Variants in CAPN10 observed in about 807,000 individuals in gnomAD.
CAPN10 encodes calpain 10, also known as calpain-10.
CAPN10 carries 71 observed loss-of-function variants against 78.4 expected under a neutral mutation model. The observed-to-expected ratio is 0.91, with a 90% confidence interval of 0.75 to 1.10. The LOEUF (loss-of-function observed/expected upper bound fraction) is 1.10, where lower values mean the gene tolerates loss of function less well. Ranked by LOEUF, CAPN10 falls within the 50% of genes least tolerant of loss-of-function variation. The probability of loss-of-function intolerance (pLI) is 0.00; values close to 1 mark genes in which losing one functional copy is unlikely to be tolerated. For synonymous variants in CAPN10, 437 were observed against 407.2 expected (o/e 1.07, Z -0.88); for missense variants, 849 against 924.6 (o/e 0.92, Z 1.06).
chr2:240,598,815 C>A lies in CAPN10; in HGVS notation c.*135C>A. The A allele has an allele frequency of 1.2e-6, 1 of 818,200 alleles. No homozygotes were observed. Among genetic ancestry groups the A allele is most frequent in the Non-Finnish European group, 2.0e-6 (1 of 494,434 alleles). The allele number at this position is 818,200 out of a possible 1,614,324, so 50.7% of individuals were successfully genotyped here. ...CCTGCCTCCCAGCCCTGCCAGGAGG[C>A]TGCGGCCTAGGGGTCCACGGGAAGC... On this transcript the variant is annotated 3_prime_UTR_variant, in exon 12 of 12. Transcript: ENST00000391984.
intron 3 of CAPN10, 27 bp from the exon 4 acceptor site, chr2:240,591,906 C>A: frequency 6.3e-7 from 1 of 1,590,540 alleles, no homozygotes; most frequent in African/African-American, 1.3e-5. Flanking sequence ...GCCAGAGGCT[C>A]ACTCCCATGG....
In CAPN10 at chr2:240,598,395, G is replaced by C; in HGVS notation, c.1987G>C (p.Glu663Gln). The C allele has an allele frequency of 1.2e-6, 2 of 1,613,778 alleles. No individual in the cohort carries two copies. The highest frequency in any genetic ancestry group is 1.7e-6 in the Non-Finnish European group (2 of 1,179,986). The change falls in exon 11 of 12, where the codon GAG (glutamate) becomes CAG (glutamine). Residue 663 changes from glutamate to glutamine, a missense_variant and splice_region_variant. Glu to Gln is a conservative substitution (Grantham distance 29). Coordinates refer to ENST00000391984, the MANE Select transcript of CAPN10 (RefSeq NM_023083.4). ...GGAGATGCTGGGCCAGTTCCTCCAA[G>C]AGGTGTGTATGCAGCCCCGCCAGCC... ...SQEMLGQFLQEVSIMAVMKT is the reference protein window; with the variant it reads ...SQEMLGQFLQQVSIMAVMKT
Position 240,592,012 on chromosome 2 carries a change from A to G in CAPN10, c.550A>G (p.Arg184Gly). The G allele has an allele frequency of 6.2e-7, 1 of 1,613,352 alleles. No individual in the cohort carries two copies. Among genetic ancestry groups the G allele is most frequent in the Non-Finnish European group, 8.5e-7 (1 of 1,180,006 alleles). The change falls in exon 4 of 12, where the codon AGA becomes GGA. Residue 184 changes from arginine to glycine, a missense_variant. Coordinates refer to ENST00000391984, the MANE Select transcript of CAPN10 (RefSeq NM_023083.4). The stretch of plus-strand genomic sequence containing the variant: ...GGACCTGACCGGCGGCCTGGCAGAA[A>G]GATGGAACCTGAAGGGCGTAGCAGG... ...LVDLTGGLAE[R>G]WNLKGVAGSG...
At chr2:240,595,497 T>TGC in intron 7 of CAPN10, 193 bp downstream of exon 7, 1 of 630,528 alleles carries the variant, frequency 1.6e-6, no homozygotes, top group Non-Finnish European at 2.8e-6. Context: ...GACCTGAGAC[T>TGC]GCAGGTCTTT....
chr2:240,593,850 C>G (rs1295633421), intron 4 of CAPN10, 56 bp from the exon 5 acceptor site: 7 of 1,527,632 alleles, frequency 4.6e-6, no homozygotes, highest in Non-Finnish European at 6.2e-6. Context: ...GTGTCCTTGT[C>G]AGTTTGGGAC....
At position 240,596,515 on chromosome 2, in the gene CAPN10, C is replaced by A; in HGVS notation, c.1475C>A (p.Ser492Tyr). 1 of 1,604,250 alleles carries A rather than the reference C, an allele frequency of 6.2e-7. No homozygotes were observed. Among genetic ancestry groups the A allele is most frequent in the Non-Finnish European group, 8.5e-7 (1 of 1,173,086 alleles). Residue 492 changes from serine (S) to tyrosine (Y), a missense_variant, in exon 8 of 12, where the codon TCC (serine) becomes TAC (tyrosine). Ser to Tyr is a moderately radical substitution (Grantham distance 144). Coordinates refer to ENST00000391984, the MANE Select transcript of CAPN10 (RefSeq NM_023083.4). ...CGAGTCTTCTCTACCGGGCGAGTCTCCCTTAGGTGAGAGGAACCGCGCAGT... is the reference window on the plus strand; with the variant it reads ...CGAGTCTTCTCTACCGGGCGAGTCTACCTTAGGTGAGAGGAACCGCGCAGT... ...LLRVFSTGRV[S>Y]LSAIRAVAKN...
intron 7 of CAPN10, 159 bp downstream of exon 7, chr2:240,595,463 G>T (rs1284339946): frequency 1.3e-6 from 1 of 751,068 alleles, no homozygotes; most frequent in African/African-American, 1.7e-5. Flanking sequence ...GTTGACGTCT[G>T]CTGGTGCTCC....
In CAPN10 at chr2:240,598,668, G is replaced by A; in HGVS notation, c.2007G>A (p.Val669=). The A allele has an allele frequency of 6.3e-7, 1 of 1,578,012 alleles. No homozygotes were observed. The highest frequency in any genetic ancestry group is 8.6e-7 in the Non-Finnish European group (1 of 1,162,488). Residue 669 remains valine, a synonymous_variant, in exon 12 of 12, where the codon GTG becomes GTA. Coordinates refer to ENST00000391984, the MANE Select transcript of CAPN10 (RefSeq NM_023083.4). ...QFLQEVSIMA[V]MKT ...CTTTGCAGGTCTCCATCATGGCAGTGATGAAAACCTAACAGGGTGGCCCCC... is the reference window on the plus strand; with the variant it reads ...CTTTGCAGGTCTCCATCATGGCAGTAATGAAAACCTAACAGGGTGGCCCCC...
rs3792270 is a variant in CAPN10 at position 240,592,158 on chromosome 2, A to G, written c.688+8A>G. On this transcript the variant is annotated splice_region_variant and intron_variant, in intron 4 of 11. Coordinates refer to ENST00000391984, the MANE Select transcript of CAPN10 (RefSeq NM_023083.4). ...TGCTCAGCCCCAGAGCAGGTGAGGC[A>G]CGTGGCCAGCATGGGAGGGCTGCAG... 0.055 allele frequency: 85,251 copies of G among 1,554,070 alleles called. 2,633 individuals are homozygous for G. The highest frequency in any genetic ancestry group is 0.072 in the South Asian group (6,042 of 84,466).
rs777960893 is a variant in CAPN10, at chr2:240,598,819, G to A, written c.*139G>A. On this transcript the variant is annotated 3_prime_UTR_variant, in exon 12 of 12. Coordinates refer to ENST00000391984, the MANE Select transcript of CAPN10 (RefSeq NM_023083.4). Reference sequence around the variant, plus strand: ...CCTCCCAGCCCTGCCAGGAGGCTGCGGCCTAGGGGTCCACGGGAAGCCTCC... The same window carrying A: ...CCTCCCAGCCCTGCCAGGAGGCTGCAGCCTAGGGGTCCACGGGAAGCCTCC... 42 of 775,896 alleles carry A rather than the reference G, an allele frequency of 5.4e-5. No individual in the cohort carries two copies. Among genetic ancestry groups the A allele is most frequent in the East Asian group, 4.3e-4 (16 of 37,014 alleles). The allele number at this position is 775,896 out of a possible 1,614,324, so 48.1% of individuals were successfully genotyped here.
chr2:240,598,841 C>A lies in CAPN10; in HGVS notation c.*161C>A. On this transcript the variant is annotated 3_prime_UTR_variant, in exon 12 of 12. Transcript: ENST00000391984. ...TGCGGCCTAGGGGTCCACGGGAAGC[C>A]TCCGTCAGGAGAGACGCAGCCCTGG... 1 of 679,580 alleles carries A rather than the reference C, an allele frequency of 1.5e-6. No individual in the cohort carries two copies. The highest frequency in any genetic ancestry group is 2.6e-6 in the Non-Finnish European group (1 of 385,276). 42.1% of individuals were successfully genotyped at this position (679,580 alleles called of 1,614,324 possible).
chr2:240,591,139 G>A (rs1013993449), intron 3 of CAPN10, 128 bp downstream of exon 3: 8 of 814,562 alleles, frequency 9.8e-6, no homozygotes, highest in Non-Finnish European at 1.3e-5. Flanking sequence ...GGGTCTGGCA[G>A]CTCATTCTGT....
rs201984748 is a variant in CAPN10, at chr2:240,596,491, G to A, written c.1451G>A (p.Arg484Gln). ...GACGCGCCAGGGGAGTTCCTGCTCC[G>A]AGTCTTCTCTACCGGGCGAGTCTCC... ...LKDAPGEFLL[R>Q]VFSTGRVSLS... The change falls in exon 8 of 12, where the codon CGA becomes CAA. Residue 484 changes from arginine to glutamine, a missense_variant. Arg to Gln is a conservative substitution (Grantham distance 43). Coordinates refer to ENST00000391984, the MANE Select transcript of CAPN10 (RefSeq NM_023083.4). The A allele has an allele frequency of 9.3e-6, 15 of 1,611,300 alleles. No individual in the cohort carries two copies. The East Asian group carries it at 1.6e-4, about 17-fold the overall frequency.
chr2:240,588,486 A>G (rs2093082099), intron 1 of CAPN10, among the ~76,000 whole-genome samples: 1 of 152,004 alleles, frequency 6.6e-6, no homozygotes, highest in Non-Finnish European at 1.5e-5. Flanking sequence ...ATGCGGCCTC[A>G]CAGAAGCTGA....
chr2:240,594,335 A>G, intron 5 of CAPN10: 1 of 640,772 alleles, frequency 1.6e-6, no homozygotes, highest in Non-Finnish European at 2.7e-6. Flanking sequence ...CCTCTGGGAA[A>G]AGAGAGGGCT....
chr2:240,591,730 G>A (rs2093103059), intron 3 of CAPN10: 1 of 596,012 alleles, frequency 1.7e-6, no homozygotes, highest in Non-Finnish European at 3.0e-6. Context: ...GGACTGCAGG[G>A]CGCTCACGCT....
chr2:240,587,970 T>C (rs1376854156), intron 1 of CAPN10, among the ~76,000 whole-genome samples: 2 of 152,186 alleles, frequency 1.3e-5, no homozygotes, highest in African/African-American at 4.8e-5. Flanking sequence ...TGGAGAAAGA[T>C]GAAGGGGCTC....
At chr2:240,596,298 G>A (rs2093136077) in intron 7 of CAPN10, 21 bp from the exon 8 acceptor site, 1 of 1,588,360 alleles carries the variant, frequency 6.3e-7, no homozygotes, top group South Asian at 1.1e-5. Flanking sequence ...TCCACACTGA[G>A]CCTCCTGCAC....
At chr2:240,597,210 G>C (rs936129173) in intron 9 of CAPN10, among the ~76,000 whole-genome samples, 3 of 152,242 alleles carry the variant, frequency 2.0e-5, no homozygotes, top group Admixed American at 1.3e-4. Flanking sequence ...GAGGTGGTGA[G>C]TGGGGAGGAA....
Sources: gnomAD v4.1 joint callset for allele counts (sites outside exome capture counted in the v4.1 genomes callset) on GRCh38, gnomAD v4.1.1 for gene constraint, MANE v1.5 for transcripts, NCBI Gene and HGNC (gene_info 2026-07-23, HGNC 2026-07-21) for gene names.